The following FER variants were observed in gnomAD, a reference collection of about 807,000 sequenced individuals.
FER encodes FER tyrosine kinase, also known as tyrosine-protein kinase Fer.
A neutral mutation model predicts 111.0 loss-of-function variants in FER; 63 were observed. The ratio of observed to expected loss-of-function variants is 0.57; its 90% confidence interval spans 0.46 to 0.70. The LOEUF (loss-of-function observed/expected upper bound fraction) is 0.70. Among genes scored for constraint, FER ranks in the 30% least tolerant of loss-of-function variants. The probability of loss-of-function intolerance (pLI) is 0.00; values close to 1 mark genes in which losing one functional copy is unlikely to be tolerated. For missense variants in FER, 914 were observed against 954.0 expected (o/e 0.96, Z 0.55); for synonymous variants, 327 against 313.9 (o/e 1.04, Z -0.44).
intron 11 of FER, 80 bp downstream of exon 11, chr5:108,946,302 A>G (rs373305383): frequency 3.5e-4 from 302 of 858,752 alleles, no homozygotes; most frequent in East Asian, 1.7e-3. Flanking sequence ...ATATATATAT[A>G]TGTGTGTGTG....
At chr5:108,993,334 A>G (rs887920608) in intron 13 of FER, among the ~76,000 whole-genome samples, 10 of 152,172 alleles carry the variant, frequency 6.6e-5, no homozygotes, top group Non-Finnish European at 1.3e-4. Flanking sequence ...GTTAGGAGCT[A>G]GAGACCAGCC....
At chr5:108,835,417 C>T (rs981166804) in intron 4 of FER, among the ~76,000 whole-genome samples, 2 of 151,884 alleles carry the variant, frequency 1.3e-5, no homozygotes, top group African/African-American at 4.8e-5. Context: ...ATTACTGACC[C>T]CAAGTGATCT....
At chr5:109,002,023 A>G (rs1764844104) in intron 13 of FER, among the ~76,000 whole-genome samples, 1 of 151,958 alleles carries the variant, frequency 6.6e-6, no homozygotes, top group Admixed American at 6.6e-5. Context: ...GGAAGAATCA[A>G]TATCGTGAAA....
At chr5:109,020,687 C>T (rs1477176950) in intron 13 of FER, among the ~76,000 whole-genome samples, 5 of 152,006 alleles carry the variant, frequency 3.3e-5, no homozygotes, top group Non-Finnish European at 5.9e-5. Context: ...GCACACACTT[C>T]GCGGCCGAGC....
intron 15 of FER, among the ~76,000 whole-genome samples, chr5:109,045,413 A>G (rs1771822376): frequency 6.6e-6 from 1 of 151,606 alleles, no homozygotes; most frequent in East Asian, 1.9e-4. Context: ...TTCTCTTAGG[A>G]AAGTATACAG....
intron 17 of FER, among the ~76,000 whole-genome samples, chr5:109,143,325 G>A (rs1179586829): frequency 2.0e-5 from 3 of 152,106 alleles, no homozygotes; most frequent in African/African-American, 7.2e-5. Flanking sequence ...TACTTGTCTT[G>A]TTGCCAACCT....
chr5:109,098,804 C>T (rs566333788), intron 16 of FER, among the ~76,000 whole-genome samples: 3 of 151,552 alleles, frequency 2.0e-5, no homozygotes, highest in South Asian at 2.1e-4. Flanking sequence ...AAATTGACAC[C>T]GTTAAGTTTA....
At chr5:108,928,721 A>G (rs1296759613) in intron 10 of FER, among the ~76,000 whole-genome samples, 10 of 151,898 alleles carry the variant, frequency 6.6e-5, no homozygotes, top group Admixed American at 6.6e-4. Flanking sequence ...ATATATGTAT[A>G]TAAACTGTTT....
At chr5:109,121,066 C>G (rs1750903233) in intron 17 of FER, among the ~76,000 whole-genome samples, 1 of 151,920 alleles carries the variant, frequency 6.6e-6, no homozygotes, top group South Asian at 2.1e-4. Context: ...TTTTTCTTTT[C>G]CAGTTTGGAT....
At chr5:109,160,304 C>G (rs940292156) in intron 17 of FER, among the ~76,000 whole-genome samples, 47 of 152,164 alleles carry the variant, frequency 3.1e-4, no homozygotes, top group African/African-American at 1.0e-3. Context: ...AAAAGAGATT[C>G]ATGAGGCATC....
chr5:108,974,988 A>G (rs1225419823), intron 13 of FER, among the ~76,000 whole-genome samples: 1 of 152,250 alleles, frequency 6.6e-6, no homozygotes, highest in Admixed American at 6.5e-5. Context: ...AATAGCAAAG[A>G]CTTGGAACCA....
chr5:109,144,474 T>C (rs951133142), intron 17 of FER, among the ~76,000 whole-genome samples: 1 of 152,156 alleles, frequency 6.6e-6, no homozygotes, highest in African/African-American at 2.4e-5. Flanking sequence ...TAATTCTAGT[T>C]ATCTACATTT....
Position 109,053,382 on chromosome 5 carries a change from CAAAAAA to C in FER, c.1924+6199_1924+6204del, listed in dbSNP as rs779550084. On this transcript the variant is annotated intron_variant, in intron 16 of 19. Coordinates refer to ENST00000281092, the MANE Select transcript of FER (RefSeq NM_005246.4). ...TCAGCGAAAGAGTGAGACTCCGTCT[CAAAAAA>C]AAAAAAAAAAAAAAGTAATGGAGGC... Among the ~76,000 whole-genome samples, 22 of 80,230 alleles carry C rather than the reference CAAAAAA, an allele frequency of 2.7e-4. 1 individual carries two copies. Among genetic ancestry groups the C allele is most frequent in the African/African-American group, 9.3e-4 (20 of 21,526 alleles). The allele number at this position is 80,230 out of a possible 152,430, so 52.6% of individuals were successfully genotyped here. A position where few individuals can be genotyped will look rare whatever the true frequency, so the allele number is the denominator to read the frequency against.
intron 5 of FER, among the ~76,000 whole-genome samples, chr5:108,856,748 A>G (rs1297036024): frequency 1.3e-5 from 2 of 152,138 alleles, no homozygotes; most frequent in Non-Finnish European, 2.9e-5. Flanking sequence ...CTAGTCTTCT[A>G]AAGTAGAGTT....
At chr5:109,069,054 CCAAA>C (rs1164257925) in intron 16 of FER, among the ~76,000 whole-genome samples, 12 of 151,916 alleles carry the variant, frequency 7.9e-5, no homozygotes, top group African/African-American at 2.9e-4. Flanking sequence ...TAGACTATTA[CCAAA>C]CAAATTTTAA....
At chr5:108,951,259 A>C (rs955351737) in intron 11 of FER, among the ~76,000 whole-genome samples, 4 of 152,076 alleles carry the variant, frequency 2.6e-5, no homozygotes, top group Non-Finnish European at 5.9e-5. Context: ...GCAAGACTCC[A>C]TCTCAAAAAA....
intron 13 of FER, among the ~76,000 whole-genome samples, chr5:109,020,913 TTGAA>T (rs1209276302): frequency 1.3e-5 from 2 of 152,034 alleles, no homozygotes; most frequent in Admixed American, 1.3e-4. Context: ...TGGGTCTGAT[TTGAA>T]TGAAATGTTT....
intron 13 of FER, among the ~76,000 whole-genome samples, chr5:108,973,934 G>T (rs1236306107): frequency 6.6e-6 from 1 of 152,044 alleles, no homozygotes; most frequent in Admixed American, 6.6e-5. Flanking sequence ...AAAGTTTTCT[G>T]AGTCTTCTCT....
At chr5:108,981,412 A>G (rs1331844699) in intron 13 of FER, among the ~76,000 whole-genome samples, 1 of 152,052 alleles carries the variant, frequency 6.6e-6, no homozygotes, top group East Asian at 1.9e-4. Context: ...GTATAAATAC[A>G]TATTCCCTCC....
Sources: allele counts gnomAD v4.1 joint callset (sites outside exome capture counted in the v4.1 genomes callset), GRCh38; gene constraint gnomAD v4.1.1; transcripts MANE v1.5; gene names NCBI Gene and HGNC (gene_info 2026-07-23, HGNC 2026-07-21).